Variants in ASZ1 observed in about 807,000 individuals in gnomAD.
The protein encoded by ASZ1 is ankyrin repeat, SAM and basic leucine zipper domain containing 1, also known as ankyrin repeat, SAM and basic leucine zipper domain-containing protein 1.
In ASZ1, 67 loss-of-function variants were observed where a neutral mutation model predicts 61.8. The ratio of observed to expected loss-of-function variants is 1.08; its 90% CI spans 0.89 to 1.33. The LOEUF is 1.33. Among genes scored for constraint, ASZ1 ranks in the 40% most tolerant of loss-of-function variants. The pLI, the probability that ASZ1 is intolerant of heterozygous loss-of-function variation, is 0.00. For synonymous variants in ASZ1, 193 were observed against 192.7 expected (o/e 1.00, Z -0.01); for missense variants, 577 against 554.5 (o/e 1.04, Z -0.41).
chr7:117,412,293 G>GA (rs2116521067), intron 4 of ASZ1, among the ~76,000 whole-genome samples: 2 of 151,772 alleles, frequency 1.3e-5, no homozygotes, highest in South Asian at 4.1e-4. Context: ...AGGCTAAAAA[G>GA]AAAAACTACA....
At chr7:117,367,757 G>A (rs1296270765) in intron 11 of ASZ1, 2 of 959,596 alleles carry the variant, frequency 2.1e-6, no homozygotes, top group Non-Finnish European at 2.5e-6. Context: ...TAAAAATGAT[G>A]ATTCTCATAT....
rs75326217 is a variant in ASZ1 at position 117,385,913 on chromosome 7, G to A, written c.441-104C>T. 6.0e-3 allele frequency: 5,076 copies of A among 844,608 alleles called. 177 individuals are homozygous for A. The African/African-American group carries it at 0.079, about 13-fold the overall frequency. 52.3% of individuals were successfully genotyped at this position (844,608 alleles called of 1,614,324 possible). On this transcript the variant is annotated intron_variant, in intron 4 of 12. Transcript: ENST00000284629. ...ATACCACCAGTACTGCTTTGAAAAC[G>A]AAAAGAAATGAAAGCTTTTGCTAAA...
chr7:117,424,784 C>T (rs1459350741), intron 2 of ASZ1, among the ~76,000 whole-genome samples: 1 of 152,176 alleles, frequency 6.6e-6, no homozygotes, highest in Non-Finnish European at 1.5e-5. Flanking sequence ...TCTACTTATT[C>T]AGAGTTTATT....
intron 4 of ASZ1, among the ~76,000 whole-genome samples, chr7:117,395,945 C>G (rs1181428764): frequency 6.6e-6 from 1 of 152,052 alleles, no homozygotes; most frequent in Non-Finnish European, 1.5e-5. Flanking sequence ...TAGCCATAGA[C>G]AATACATAAA....
chr7:117,398,111 TTCAGTA>T, intron 4 of ASZ1, among the ~76,000 whole-genome samples: 1 of 152,252 alleles, frequency 6.6e-6, no homozygotes, highest in Non-Finnish European at 1.5e-5. Flanking sequence ...TTATATACAG[TTCAGTA>T]TTATCTGATC....
At chr7:117,369,284 CA>C (rs1278679842) in intron 10 of ASZ1, among the ~76,000 whole-genome samples, 1 of 152,006 alleles carries the variant, frequency 6.6e-6, no homozygotes, top group African/African-American at 2.4e-5. Context: ...TGCAAGAGTA[CA>C]GGGGTAAAGG....
intron 10 of ASZ1, among the ~76,000 whole-genome samples, chr7:117,375,719 T>C (rs1796124764): frequency 6.6e-6 from 1 of 152,024 alleles, no homozygotes; most frequent in African/African-American, 2.4e-5. Context: ...CCATGGGTTA[T>C]TTAGATAATC....
At chr7:117,400,933 A>G (rs2116500867) in intron 4 of ASZ1, among the ~76,000 whole-genome samples, 1 of 152,300 alleles carries the variant, frequency 6.6e-6, no homozygotes, top group South Asian at 2.1e-4. Flanking sequence ...TCCAACTATC[A>G]GTCAGAAGAA....
intron 4 of ASZ1, among the ~76,000 whole-genome samples, chr7:117,416,117 CTG>C (rs1796987090): frequency 6.6e-6 from 1 of 152,008 alleles, no homozygotes; most frequent in African/African-American, 2.4e-5. Flanking sequence ...AACCCGGCAG[CTG>C]GAGATTGCAG....
chr7:117,370,027 T>C (rs1418476407), intron 10 of ASZ1, among the ~76,000 whole-genome samples: 1 of 152,148 alleles, frequency 6.6e-6, no homozygotes, highest in African/African-American at 2.4e-5. Flanking sequence ...AACATAATTA[T>C]GATGACTGCA....
chr7:117,389,096 T>C (rs1392195174), intron 4 of ASZ1, among the ~76,000 whole-genome samples: 4 of 152,204 alleles, frequency 2.6e-5, no homozygotes, highest in South Asian at 4.1e-4. Flanking sequence ...TATATGCATA[T>C]ATAAATACAG....
At chr7:117,389,034 T>C (rs1037841999) in intron 4 of ASZ1, among the ~76,000 whole-genome samples, 1 of 152,132 alleles carries the variant, frequency 6.6e-6, no homozygotes, top group Admixed American at 6.6e-5. Flanking sequence ...AGTAAAAATA[T>C]AAAAGCCAGG....
intron 6 of ASZ1, among the ~76,000 whole-genome samples, chr7:117,383,935 T>C (rs142245766): frequency 4.7e-4 from 71 of 152,174 alleles, no homozygotes; most frequent in Admixed American, 8.5e-4. Context: ...ATTTGGAAAA[T>C]GATAGCCATG....
chr7:117,391,816 CAG>C (rs1278835945), intron 4 of ASZ1, among the ~76,000 whole-genome samples: 2 of 151,876 alleles, frequency 1.3e-5, no homozygotes, highest in African/African-American at 2.4e-5. Context: ...TTTTTTGAGA[CAG>C]AGTCTCACTC....
At chr7:117,392,088 C>T (rs1025169687) in intron 4 of ASZ1, among the ~76,000 whole-genome samples, 5 of 151,986 alleles carry the variant, frequency 3.3e-5, no homozygotes, top group Admixed American at 1.3e-4. Flanking sequence ...CCACTGTGCC[C>T]GGCCTCATAT....
chr7:117,422,163 C>A, intron 3 of ASZ1, 74 bp downstream of exon 3: 1 of 1,509,714 alleles, frequency 6.6e-7, no homozygotes, highest in Non-Finnish European at 8.9e-7. Flanking sequence ...GTTTTTTGCA[C>A]TTTATATAAT....
At chr7:117,374,594 A>T (rs1796104758) in intron 10 of ASZ1, among the ~76,000 whole-genome samples, 1 of 152,090 alleles carries the variant, frequency 6.6e-6, no homozygotes, top group Admixed American at 6.5e-5. Context: ...GGAAAAAATC[A>T]AACTGGAATA....
At chr7:117,405,869 C>T (rs966226090) in intron 4 of ASZ1, among the ~76,000 whole-genome samples, 1 of 152,324 alleles carries the variant, frequency 6.6e-6, no homozygotes, top group Middle Eastern at 3.4e-3. Context: ...AAGAAGTGTA[C>T]AAGTTACACA....
intron 8 of ASZ1, 134 bp from the exon 9 acceptor site, chr7:117,381,201 T>TGG: frequency 3.0e-6 from 2 of 663,144 alleles, no homozygotes; most frequent in South Asian, 4.3e-5. Context: ...ACAGGATATA[T>TGG]ACATGCAGAA....
Sources: allele counts gnomAD v4.1 joint callset (sites outside exome capture counted in the v4.1 genomes callset), GRCh38; gene constraint gnomAD v4.1.1; transcripts MANE v1.5; gene names NCBI Gene and HGNC (gene_info 2026-07-23, HGNC 2026-07-21).